LRBA: variants seen among roughly 807,000 people sequenced by gnomAD.
LRBA encodes lipopolysaccharide-responsive and beige-like anchor protein.
LRBA carries 176 observed loss-of-function variants against 330.0 expected under a neutral mutation model. The observed-to-expected ratio is 0.53, with a 90% CI of 0.47 to 0.60. The LOEUF (loss-of-function observed/expected upper bound fraction) is 0.60, where lower values mean the gene tolerates loss of function less well. Ranked by LOEUF, LRBA falls within the 20% of genes least tolerant of loss-of-function variation. The pLI is 0.00. For missense variants in LRBA, 3,259 were observed against 3,444.8 expected (o/e 0.95, Z 1.35); for synonymous variants, 1,230 against 1,193.0 (o/e 1.03, Z -0.64).
chr4:150,499,586 T>A (rs1027930005), intron 40 of LRBA, among the ~76,000 whole-genome samples: 1 of 151,712 alleles, frequency 6.6e-6, no homozygotes, highest in Non-Finnish European at 1.5e-5. Flanking sequence ...GAGGCTGCAG[T>A]GAGCTATGAC....
At chr4:150,807,449 T>C (rs1368686760) in intron 32 of LRBA, among the ~76,000 whole-genome samples, 4 of 152,138 alleles carry the variant, frequency 2.6e-5, no homozygotes, top group South Asian at 4.1e-4. Context: ...GATTTCCCAA[T>C]TGTGGTAAAG....
chr4:150,400,946 G>A (rs1745379766), intron 47 of LRBA, among the ~76,000 whole-genome samples: 1 of 152,212 alleles, frequency 6.6e-6, no homozygotes, highest in South Asian at 2.1e-4. Context: ...TCCATATGTT[G>A]GAGTCTTAAA....
chr4:150,539,523 C>T (rs1334279727), intron 40 of LRBA, among the ~76,000 whole-genome samples: 1 of 152,148 alleles, frequency 6.6e-6, no homozygotes, highest in South Asian at 2.1e-4. Flanking sequence ...TAAATCTAAA[C>T]AAGAGTTTTC....
intron 2 of LRBA, among the ~76,000 whole-genome samples, chr4:151,008,243 G>A (rs1744349422): frequency 6.6e-6 from 1 of 151,764 alleles, no homozygotes; most frequent in Admixed American, 6.6e-5. Flanking sequence ...ACCACACCTG[G>A]CTAATTTTTG....
chr4:150,620,379 C>T (rs1296634315), intron 37 of LRBA, among the ~76,000 whole-genome samples: 1 of 152,116 alleles, frequency 6.6e-6, no homozygotes, highest in Non-Finnish European at 1.5e-5. Flanking sequence ...AATACAACCT[C>T]TATGGAAAAC....
chr4:150,901,251 A>G (rs1730692512), intron 13 of LRBA, among the ~76,000 whole-genome samples: 1 of 152,128 alleles, frequency 6.6e-6, no homozygotes, highest in African/African-American at 2.4e-5. Flanking sequence ...GTAAGCCGAG[A>G]GAGCACCACT....
At chr4:150,610,043 CTGAT>C (rs1052248159) in intron 37 of LRBA, among the ~76,000 whole-genome samples, 5 of 151,982 alleles carry the variant, frequency 3.3e-5, no homozygotes, top group African/African-American at 1.2e-4. Flanking sequence ...AGATTTTCAC[CTGAT>C]TGTTTGTTTT....
chr4:150,950,075 T>C (rs1736666799), intron 2 of LRBA, among the ~76,000 whole-genome samples: 1 of 152,178 alleles, frequency 6.6e-6, no homozygotes, highest in African/African-American at 2.4e-5. Context: ...ATGTGTGCAC[T>C]GAAGGCTAAT....
intron 37 of LRBA, among the ~76,000 whole-genome samples, chr4:150,671,023 TGTGTGTGTGTGTGTGTGTGA>T (rs1381702016): frequency 1.3e-5 from 2 of 148,302 alleles, no homozygotes; most frequent in African/African-American, 2.5e-5. Flanking sequence ...TGTGTGTGTG[TGTGTGTGTGTGTGTGTGTGA>T]GAGAGAGAGA....
chr4:150,445,373 CTCTCTATATATATA>C (rs1167913502), intron 44 of LRBA, among the ~76,000 whole-genome samples: 283 of 83,966 alleles, frequency 3.4e-3, no homozygotes, highest in Admixed American at 6.5e-3. Context: ...CTCTCTCTCT[CTCTCTATATATATA>C]TATATATATA....
intron 35 of LRBA, among the ~76,000 whole-genome samples, chr4:150,738,453 T>G (rs7690485): frequency 0.87 from 132,871 of 152,070 alleles, 58,605 homozygotes; most frequent in Non-Finnish European, 0.95. Flanking sequence ...AATAAAATAG[T>G]GAGAATTTGT....
intron 44 of LRBA, 102 bp downstream of exon 44, chr4:150,467,571 A>C: frequency 3.0e-6 from 2 of 664,210 alleles, no homozygotes; most frequent in Non-Finnish European, 2.6e-6. Context: ...AGGTACGACT[A>C]TATTTGAAAA....
At chr4:150,533,117 CA>C (rs1162086633) in intron 40 of LRBA, among the ~76,000 whole-genome samples, 1 of 152,110 alleles carries the variant, frequency 6.6e-6, no homozygotes, top group Non-Finnish European at 1.5e-5. Context: ...ACAATGTTAG[CA>C]ACTGACAATA....
chr4:150,654,866 C>T (rs1050757982), intron 37 of LRBA, among the ~76,000 whole-genome samples: 1 of 152,060 alleles, frequency 6.6e-6, no homozygotes, highest in Non-Finnish European at 1.5e-5. Context: ...CTACAAAGGA[C>T]ATTAACTCAT....
intron 17 of LRBA, among the ~76,000 whole-genome samples, chr4:150,874,356 G>A (rs1214718945): frequency 6.6e-6 from 1 of 152,190 alleles, no homozygotes. Flanking sequence ...GGGACCAACA[G>A]CAGGATGCCA....
intron 37 of LRBA, among the ~76,000 whole-genome samples, chr4:150,681,537 T>G (rs1783058639): frequency 1.3e-5 from 2 of 152,174 alleles, no homozygotes; most frequent in South Asian, 2.1e-4. Flanking sequence ...GATACAGAAC[T>G]AAATATAATG....
intron 40 of LRBA, among the ~76,000 whole-genome samples, chr4:150,586,305 T>A (rs952345692): frequency 1.3e-5 from 2 of 152,086 alleles, no homozygotes; most frequent in Non-Finnish European, 2.9e-5. Context: ...TCCCTCCAAC[T>A]ATTCCAGAAA....
Position 150,828,273 on chromosome 4 carries a change from ACTC to A in LRBA, c.5075_5077del (p.Gly1692del). 6.2e-7 allele frequency: 1 copy of A among 1,614,012 alleles called. No homozygotes were observed. On this transcript the variant is annotated inframe_deletion, in exon 30 of 57. Coordinates refer to ENST00000651943, the MANE Select transcript of LRBA (RefSeq NM_001364905.1). Reference sequence around the variant, plus strand: ...TGGCAGAAGGGCAGGATCCACTGTGACTCCATCTGCTGGTATGTTAACCAAGCT... The same window carrying A: ...TGGCAGAAGGGCAGGATCCACTGTGACATCTGCTGGTATGTTAACCAAGCT...
At chr4:150,380,498 G>A (rs953247243) in intron 47 of LRBA, among the ~76,000 whole-genome samples, 1 of 151,800 alleles carries the variant, frequency 6.6e-6, no homozygotes, top group African/African-American at 2.4e-5. Flanking sequence ...ATTTTAATAA[G>A]TATGGTGTAG....
Sources: gnomAD v4.1 joint callset for allele counts (sites outside exome capture counted in the v4.1 genomes callset) on GRCh38, gnomAD v4.1.1 for gene constraint, MANE v1.5 for transcripts, NCBI Gene and HGNC (gene_info 2026-07-23, HGNC 2026-07-21) for gene names.